The following GABRA2 variants were observed in gnomAD, a reference collection of about 807,000 sequenced individuals.
GABRA2 encodes gamma-aminobutyric acid receptor subunit alpha-2.
In GABRA2, 16 loss-of-function variants were observed where a neutral mutation model predicts 48.7. The observed-to-expected ratio is 0.33, with a 90% CI of 0.22 to 0.50. GABRA2 has a LOEUF of 0.50. GABRA2 is among the 20% of genes least tolerant of loss of function. GABRA2 has a pLI of 0.98. For missense variants in GABRA2, 275 were observed against 535.6 expected (o/e 0.51, Z 4.80); for synonymous variants, 185 against 184.5 (o/e 1.00, Z -0.02).
intron 3 of GABRA2, among the ~76,000 whole-genome samples, chr4:46,359,167 A>G (rs1427166656): frequency 6.6e-6 from 1 of 152,168 alleles, no homozygotes; most frequent in Admixed American, 6.5e-5. Flanking sequence ...AAATTGCCCA[A>G]ATATGTTGTA....
chr4:46,267,477 A>T (rs1718486469), intron 8 of GABRA2, among the ~76,000 whole-genome samples: 1 of 150,678 alleles, frequency 6.6e-6, no homozygotes, highest in Admixed American at 6.6e-5. Flanking sequence ...ATTTCTAATG[A>T]TTTTTTTTTC....
intron 3 of GABRA2, among the ~76,000 whole-genome samples, chr4:46,345,238 A>G (rs1239306319): frequency 6.6e-6 from 1 of 151,942 alleles, no homozygotes; most frequent in Non-Finnish European, 1.5e-5. Flanking sequence ...CTGTGAGTCA[A>G]TTAAACCCCT....
At chr4:46,326,709 C>T (rs967364219) in intron 4 of GABRA2, among the ~76,000 whole-genome samples, 1 of 151,722 alleles carries the variant, frequency 6.6e-6, no homozygotes, top group Non-Finnish European at 1.5e-5. Context: ...TTTATGTATG[C>T]CTATGGTTTC....
intron 3 of GABRA2, among the ~76,000 whole-genome samples, chr4:46,373,098 G>C (rs1398508177): frequency 6.6e-6 from 1 of 152,158 alleles, no homozygotes; most frequent in Non-Finnish European, 1.5e-5. Context: ...ATTAGAAGCT[G>C]TCACCAAAAA....
intron 8 of GABRA2, among the ~76,000 whole-genome samples, chr4:46,277,555 G>T (rs933493261): frequency 6.6e-6 from 1 of 152,070 alleles, no homozygotes; most frequent in South Asian, 2.1e-4. Context: ...ATCTATCTCC[G>T]TCTAAGGCTG....
intron 9 of GABRA2, among the ~76,000 whole-genome samples, chr4:46,257,297 T>G (rs539437077): frequency 6.6e-6 from 1 of 151,820 alleles, no homozygotes; most frequent in African/African-American, 2.4e-5. Flanking sequence ...AATAGGAGTT[T>G]GTCAGTTAGC....
intron 3 of GABRA2, among the ~76,000 whole-genome samples, chr4:46,349,654 C>T (rs779272932): frequency 2.0e-5 from 3 of 151,896 alleles, no homozygotes; most frequent in African/African-American, 7.2e-5. Flanking sequence ...GGCAATAGTA[C>T]AAACCCTTGC....
intron 3 of GABRA2, among the ~76,000 whole-genome samples, chr4:46,383,349 C>G (rs546892409): frequency 6.6e-6 from 1 of 152,272 alleles, no homozygotes; most frequent in African/African-American, 2.4e-5. Flanking sequence ...AAGCAAAGTT[C>G]TCTTCATTAA....
chr4:46,358,333 C>T (rs1022346783), intron 3 of GABRA2, among the ~76,000 whole-genome samples: 1 of 152,172 alleles, frequency 6.6e-6, no homozygotes, highest in African/African-American at 2.4e-5. Context: ...TTAGAGGATA[C>T]TGTTATTTAA....
At chr4:46,337,521 G>A (rs279839) in intron 3 of GABRA2, among the ~76,000 whole-genome samples, 58,311 of 151,668 alleles carry the variant, frequency 0.38, 11,844 homozygotes, top group East Asian at 0.57. Flanking sequence ...AAAGACTTTG[G>A]CTTGGAGAAT....
chr4:46,323,279 A>AT (rs1729770251), intron 4 of GABRA2, among the ~76,000 whole-genome samples: 1 of 151,970 alleles, frequency 6.6e-6, no homozygotes, highest in Admixed American at 6.6e-5. Context: ...TCCTAAGAGC[A>AT]TTCTAGGCTC....
chr4:46,362,961 TG>T (rs1172075254), intron 3 of GABRA2, among the ~76,000 whole-genome samples: 1 of 152,200 alleles, frequency 6.6e-6, no homozygotes, highest in Non-Finnish European at 1.5e-5. Flanking sequence ...AATCAGGGCA[TG>T]TACAATAGTA....
At chr4:46,285,498 C>T (rs1171310886) in intron 8 of GABRA2, among the ~76,000 whole-genome samples, 1 of 152,010 alleles carries the variant, frequency 6.6e-6, no homozygotes, top group Admixed American at 6.6e-5. Flanking sequence ...CTTCTGTTGA[C>T]TCCCTCCGAA....
intron 4 of GABRA2, among the ~76,000 whole-genome samples, chr4:46,316,543 C>T (rs892131391): frequency 2.0e-5 from 3 of 151,874 alleles, no homozygotes; most frequent in African/African-American, 7.2e-5. Context: ...TGTGCATCTT[C>T]AAAATAACAA....
At chr4:46,289,042 A>C (rs138396385) in intron 8 of GABRA2, among the ~76,000 whole-genome samples, 1,916 of 152,282 alleles carry the variant, frequency 0.013, 29 homozygotes, top group Middle Eastern at 0.024. Flanking sequence ...TATTATTAAA[A>C]AGACAAAAAA....
intron 1 of GABRA2, 156 bp downstream of exon 1, chr4:46,389,579 T>G: frequency 2.2e-6 from 1 of 458,398 alleles, no homozygotes; most frequent in Non-Finnish European, 2.9e-6. Context: ...ATCGAAATTA[T>G]TTTTTAAGTG....
At chr4:46,279,797 G>A (rs950476840) in intron 8 of GABRA2, among the ~76,000 whole-genome samples, 1 of 152,090 alleles carries the variant, frequency 6.6e-6, no homozygotes, top group African/African-American at 2.4e-5. Context: ...TCACTTTGAT[G>A]AAACCACTTA....
chr4:46,277,023 C>A (rs994295648), intron 8 of GABRA2, among the ~76,000 whole-genome samples: 1 of 152,006 alleles, frequency 6.6e-6, no homozygotes, highest in South Asian at 2.1e-4. Context: ...CACCAAAAAA[C>A]AATTGCATAT....
At chr4:46,382,646 T>G (rs183188634) in intron 3 of GABRA2, among the ~76,000 whole-genome samples, 4 of 152,304 alleles carry the variant, frequency 2.6e-5, no homozygotes, top group African/African-American at 9.6e-5. Context: ...TAAAATATGT[T>G]ACTCAATATA....
Sources: gnomAD v4.1 joint callset for allele counts (sites outside exome capture counted in the v4.1 genomes callset) on GRCh38, gnomAD v4.1.1 for gene constraint, MANE v1.5 for transcripts, NCBI Gene and HGNC (gene_info 2026-07-23, HGNC 2026-07-21) for gene names.